The following ADAMTSL1 variants were observed in gnomAD, a reference collection of about 807,000 sequenced individuals.
The protein encoded by ADAMTSL1 is ADAMTS-like protein 1.
Under a neutral mutation model 201.8 loss-of-function variants are expected in ADAMTSL1, and 126 were observed. That is an observed-to-expected ratio of 0.62 (90% CI 0.54 to 0.72). The LOEUF (loss-of-function observed/expected upper bound fraction) is 0.72. Among genes scored for constraint, ADAMTSL1 ranks in the 30% least tolerant of loss-of-function variants. The probability of loss-of-function intolerance (pLI) is 0.00; values close to 1 mark genes in which losing one functional copy is unlikely to be tolerated. For synonymous variants in ADAMTSL1, 1,121 were observed against 903.4 expected (o/e 1.24, Z -4.32); for missense variants, 2,679 against 2,277.8 (o/e 1.18, Z -3.59).
At chr9:18,242,160 T>A (rs546895254) in intron 2 of ADAMTSL1, among the ~76,000 whole-genome samples, 365 of 152,234 alleles carry the variant, frequency 2.4e-3, no homozygotes, top group African/African-American at 8.2e-3. Context: ...AGATTTCATA[T>A]CATGAACAAA....
chr9:18,778,249 T>A (rs2133764248), intron 19 of ADAMTSL1, among the ~76,000 whole-genome samples: 1 of 152,362 alleles, frequency 6.6e-6, no homozygotes, highest in East Asian at 1.9e-4. Context: ...GGCATTATTA[T>A]GTTACTACTC....
At chr9:18,534,283 A>T (rs144020250) in intron 3 of ADAMTSL1, among the ~76,000 whole-genome samples, 128 of 152,198 alleles carry the variant, frequency 8.4e-4, no homozygotes, top group African/African-American at 2.9e-3. Flanking sequence ...AGTCACAGCT[A>T]CTCACGAGGC....
At chr9:18,291,684 C>A (rs573857415) in intron 2 of ADAMTSL1, among the ~76,000 whole-genome samples, 1 of 151,300 alleles carries the variant, frequency 6.6e-6, no homozygotes, top group African/African-American at 2.4e-5. Context: ...CTCTCTCTCT[C>A]GGGTGCGCAC....
intron 4 of ADAMTSL1, among the ~76,000 whole-genome samples, chr9:18,614,125 G>C (rs186329250): frequency 1.3e-5 from 2 of 152,182 alleles, no homozygotes; most frequent in Non-Finnish European, 2.9e-5. Context: ...CAGAGGAAGT[G>C]AGGTCAGAGA....
At position 18,593,308 on chromosome 9, in the gene ADAMTSL1, G is replaced by A. The variant is rs1824045229; in HGVS notation, c.474+19042G>A. On this transcript the variant is annotated intron_variant, in intron 4 of 28. Transcript: ENST00000380548. ...GTTGTGTTTCATATATTAAAGGAAA[G>A]CTTTCAGTTTTTCCCCATTCAATTT... Among the ~76,000 whole-genome samples the A allele has an allele frequency of 3.9e-5, 6 of 152,194 alleles. No individual in the cohort carries two copies. In the South Asian group the frequency reaches 1.2e-3, roughly 32 times the overall value.
chr9:18,233,162 G>A (rs912831225), intron 2 of ADAMTSL1, among the ~76,000 whole-genome samples: 1 of 152,156 alleles, frequency 6.6e-6, no homozygotes, highest in Non-Finnish European at 1.5e-5. Flanking sequence ...TTAGATTGCG[G>A]CACACACACA....
intron 2 of ADAMTSL1, among the ~76,000 whole-genome samples, chr9:18,252,280 C>T (rs945850217): frequency 6.6e-6 from 1 of 152,028 alleles, no homozygotes; most frequent in African/African-American, 2.4e-5. Flanking sequence ...TCCAAATGGC[C>T]TATAGACATG....
chr9:18,776,395 G>C (rs1820994109), intron 18 of ADAMTSL1, among the ~76,000 whole-genome samples: 1 of 152,134 alleles, frequency 6.6e-6, no homozygotes. Context: ...TTGATTTCTT[G>C]TTTAAAAATT....
At chr9:18,828,615 T>C (rs1406272992) in intron 22 of ADAMTSL1, among the ~76,000 whole-genome samples, 1 of 137,202 alleles carries the variant, frequency 7.3e-6, no homozygotes, top group Non-Finnish European at 1.6e-5. Flanking sequence ...CCAGGCATGA[T>C]GTTTTTCTCT....
At chr9:18,584,255 T>A (rs1423482150) in intron 4 of ADAMTSL1, among the ~76,000 whole-genome samples, 1 of 152,072 alleles carries the variant, frequency 6.6e-6, no homozygotes, top group African/African-American at 2.4e-5. Context: ...TGGTAGTGAA[T>A]GAGTCTCACG....
At chr9:18,042,393 CTT>C (rs1821465227) in intron 1 of ADAMTSL1, among the ~76,000 whole-genome samples, 1 of 152,054 alleles carries the variant, frequency 6.6e-6, no homozygotes, top group Non-Finnish European at 1.5e-5. Context: ...ATGCCAGCAA[CTT>C]TCATGGACTA....
intron 1 of ADAMTSL1, among the ~76,000 whole-genome samples, chr9:18,131,020 C>T (rs1036502904): frequency 1.3e-5 from 2 of 152,114 alleles, no homozygotes; most frequent in African/African-American, 2.4e-5. Context: ...AAATCAATGT[C>T]CCCATGGTAT....
chr9:17,993,035 A>G lies in ADAMTSL1; in HGVS notation c.87+86113A>G, dbSNP rs368595999. 2.3e-3 allele frequency among the ~76,000 whole-genome samples: 344 copies of G among 152,330 alleles called. 2 individuals carry two copies. Among genetic ancestry groups the G allele is most frequent in the African/African-American group, 8.0e-3 (332 of 41,588 alleles). ...AGTGAATAGCCAATTTATGGGTTAT[A>G]AATAAGAGAATCTATCCCAATGCTG... On this transcript the variant is annotated intron_variant, in intron 1 of 29. Coordinates refer to the ADAMTSL1 transcript ENST00000680146.
intron 1 of ADAMTSL1, among the ~76,000 whole-genome samples, chr9:18,000,852 G>A (rs1253154297): frequency 6.6e-6 from 1 of 151,976 alleles, no homozygotes; most frequent in Non-Finnish European, 1.5e-5. Flanking sequence ...AATCTCTTCT[G>A]GGGTAAAACA....
chr9:18,399,652 C>G (rs1817908656), intron 2 of ADAMTSL1, among the ~76,000 whole-genome samples: 1 of 151,894 alleles, frequency 6.6e-6, no homozygotes, highest in Non-Finnish European at 1.5e-5. Context: ...CACCTGGCTA[C>G]TTTACCTTTA....
At chr9:18,857,045 G>GT (rs999685952) in intron 23 of ADAMTSL1, among the ~76,000 whole-genome samples, 11 of 151,994 alleles carry the variant, frequency 7.2e-5, no homozygotes, top group Admixed American at 3.9e-4. Flanking sequence ...GATAGAGCAG[G>GT]TTTTTTTTCC....
intron 1 of ADAMTSL1, among the ~76,000 whole-genome samples, chr9:18,021,772 C>A (rs920398631): frequency 6.6e-6 from 1 of 152,074 alleles, no homozygotes; most frequent in African/African-American, 2.4e-5. Flanking sequence ...TTTATATACT[C>A]TTTTAAGCTT....
intron 1 of ADAMTSL1, among the ~76,000 whole-genome samples, chr9:17,974,522 G>A (rs567387192): frequency 3.3e-5 from 5 of 151,898 alleles, no homozygotes; most frequent in Non-Finnish European, 7.4e-5. Context: ...TCTCCCCAAT[G>A]TTCCCACCCC....
intron 19 of ADAMTSL1, among the ~76,000 whole-genome samples, chr9:18,794,811 T>C (rs1822294764): frequency 6.6e-6 from 1 of 152,112 alleles, no homozygotes; most frequent in Non-Finnish European, 1.5e-5. Context: ...TTTTATTATT[T>C]TTGTAGTTTT....
Sources: gnomAD v4.1 joint callset for allele counts (sites outside exome capture counted in the v4.1 genomes callset) on GRCh38, gnomAD v4.1.1 for gene constraint, MANE v1.5 for transcripts, NCBI Gene and HGNC (gene_info 2026-07-23, HGNC 2026-07-21) for gene names.